The following ADGRL3 variants were observed in gnomAD, a reference collection of about 807,000 sequenced individuals.
The protein encoded by ADGRL3 is adhesion G protein-coupled receptor L3, also known as calcium-independent alpha-latrotoxin receptor 3.
ADGRL3 carries 62 observed loss-of-function variants against 153.5 expected under a neutral mutation model. That is an observed-to-expected ratio of 0.40 (90% CI 0.33 to 0.50). The LOEUF is 0.50. Among genes scored for constraint, ADGRL3 ranks in the 20% least tolerant of loss-of-function variants. The probability of loss-of-function intolerance (pLI) is 0.47; values close to 1 mark genes in which losing one functional copy is unlikely to be tolerated. For synonymous variants in ADGRL3, 710 were observed against 672.5 expected (o/e 1.06, Z -0.86); for missense variants, 1,641 against 1,859.4 (o/e 0.88, Z 2.16).
intron 8 of ADGRL3, among the ~76,000 whole-genome samples, chr4:61,734,966 C>A (rs1029489610): frequency 9.9e-5 from 15 of 152,244 alleles, no homozygotes; most frequent in Middle Eastern, 3.4e-3. Context: ...AAGTGCAATC[C>A]TGTTAATATT....
chr4:61,433,825 A>T (rs2097407259), intron 2 of ADGRL3, among the ~76,000 whole-genome samples: 1 of 152,130 alleles, frequency 6.6e-6, no homozygotes, highest in Admixed American at 6.6e-5. Context: ...TTTTTTTAAA[A>T]TCTTTTTCTG....
chr4:61,922,743 A>G (rs978694378), intron 13 of ADGRL3, among the ~76,000 whole-genome samples: 4 of 152,168 alleles, frequency 2.6e-5, no homozygotes, highest in Admixed American at 2.6e-4. Context: ...GCTCATTCAG[A>G]CACTGTTTCA....
At chr4:62,038,439 C>T (rs1173381435) in intron 24 of ADGRL3, among the ~76,000 whole-genome samples, 7 of 151,994 alleles carry the variant, frequency 4.6e-5, no homozygotes, top group Admixed American at 4.6e-4. Context: ...AAATTTTAAG[C>T]TTTTAGGTAA....
chr4:61,893,014 T>G lies in ADGRL3; in HGVS notation c.1783+56T>G, dbSNP rs2098599519. The G allele has an allele frequency of 8.5e-6, 10 of 1,180,682 alleles. No homozygotes were observed. In the African/African-American group the frequency reaches 9.5e-5, roughly 11 times the overall value. 73.1% of individuals were successfully genotyped at this position (1,180,682 alleles called of 1,614,324 possible). ...CTGTTGTGTTGCTTTGGCTTTATTT[T>G]CTAGTATTCTTTTCCTTTTCCTTCC... On this transcript the variant is annotated intron_variant, in intron 10 of 26. Coordinates refer to ENST00000683033, the MANE Select transcript of ADGRL3 (RefSeq NM_001387552.1).
chr4:61,258,715 G>A (rs1472953933), intron 1 of ADGRL3, among the ~76,000 whole-genome samples: 1 of 152,142 alleles, frequency 6.6e-6, no homozygotes, highest in East Asian at 1.9e-4. Context: ...CGTACACCCA[G>A]TGTACTATTC....
chr4:62,038,772 A>G (rs911043076), intron 24 of ADGRL3, among the ~76,000 whole-genome samples: 4 of 151,818 alleles, frequency 2.6e-5, no homozygotes, highest in African/African-American at 9.7e-5. Flanking sequence ...CCACGCCCAG[A>G]TAATTTTTGT....
At chr4:61,503,633 T>C (rs753252270) in intron 3 of ADGRL3, among the ~76,000 whole-genome samples, 4 of 152,148 alleles carry the variant, frequency 2.6e-5, no homozygotes, top group African/African-American at 4.8e-5. Context: ...TAGAAGACAT[T>C]TAGTTTTAAG....
intron 5 of ADGRL3, among the ~76,000 whole-genome samples, chr4:61,614,543 C>T (rs2149731948): frequency 6.6e-6 from 1 of 152,124 alleles, no homozygotes; most frequent in Non-Finnish European, 1.5e-5. Flanking sequence ...TTTAAAGCAA[C>T]TTTTAGCATA....
intron 6 of ADGRL3, chr4:61,677,189 G>T: frequency 2.6e-6 from 1 of 383,378 alleles, no homozygotes; most frequent in Non-Finnish European, 4.8e-6. Context: ...CTTAATTAAT[G>T]CAAGAATATA....
chr4:61,842,637 G>A (rs983874907), intron 9 of ADGRL3, among the ~76,000 whole-genome samples: 8 of 152,004 alleles, frequency 5.3e-5, no homozygotes, highest in Non-Finnish European at 8.8e-5. Flanking sequence ...AAAAAAAATC[G>A]ACTATGTCAC....
At chr4:61,454,133 A>G (rs887954245) in intron 2 of ADGRL3, among the ~76,000 whole-genome samples, 4 of 152,104 alleles carry the variant, frequency 2.6e-5, no homozygotes, top group Non-Finnish European at 5.9e-5. Context: ...GCGTGGCACA[A>G]AGGAGAACTT....
chr4:61,765,511 G>T (rs954071285), intron 8 of ADGRL3, among the ~76,000 whole-genome samples: 2 of 152,034 alleles, frequency 1.3e-5, no homozygotes, highest in Non-Finnish European at 2.9e-5. Context: ...ACAGAGGACC[G>T]TAAGGGATAT....
chr4:61,220,278 G>A (rs990588489), intron 1 of ADGRL3, among the ~76,000 whole-genome samples: 3 of 152,066 alleles, frequency 2.0e-5, no homozygotes, highest in African/African-American at 7.2e-5. Context: ...CGTGAAATGT[G>A]TCTTGTATGA....
intron 4 of ADGRL3, among the ~76,000 whole-genome samples, chr4:61,525,909 C>G (rs911175987): frequency 1.3e-5 from 2 of 152,048 alleles, no homozygotes; most frequent in African/African-American, 4.8e-5. Flanking sequence ...AAATGTGAAT[C>G]TTTGTCAAGA....
At chr4:62,062,441 C>A (rs1285164720) in intron 25 of ADGRL3, among the ~76,000 whole-genome samples, 1 of 151,992 alleles carries the variant, frequency 6.6e-6, no homozygotes. Flanking sequence ...TCCTCTAATA[C>A]ATATATTTAA....
intron 11 of ADGRL3, among the ~76,000 whole-genome samples, chr4:61,897,628 A>G (rs1298010495): frequency 1.3e-5 from 2 of 152,188 alleles, no homozygotes; most frequent in African/African-American, 4.8e-5. Context: ...AGGTTTCTTT[A>G]CCACAAAACT....
intron 4 of ADGRL3, among the ~76,000 whole-genome samples, chr4:61,554,386 G>T (rs1021816561): frequency 3.3e-5 from 5 of 151,782 alleles, no homozygotes; most frequent in Admixed American, 6.6e-5. Context: ...AGTAGATACG[G>T]GGTTTCACAA....
At chr4:61,731,860 A>G (rs1384103458) in intron 7 of ADGRL3, among the ~76,000 whole-genome samples, 1 of 152,122 alleles carries the variant, frequency 6.6e-6, no homozygotes, top group East Asian at 1.9e-4. Flanking sequence ...TCTTACCACC[A>G]TTCACATGAT....
intron 23 of ADGRL3, among the ~76,000 whole-genome samples, chr4:62,034,245 A>G (rs971087616): frequency 6.6e-6 from 1 of 151,866 alleles, no homozygotes; most frequent in Non-Finnish European, 1.5e-5. Flanking sequence ...AATGGTTACT[A>G]CATTTTCAAT....
Sources: allele counts gnomAD v4.1 joint callset (sites outside exome capture counted in the v4.1 genomes callset), GRCh38; gene constraint gnomAD v4.1.1; transcripts MANE v1.5; gene names NCBI Gene and HGNC (gene_info 2026-07-23, HGNC 2026-07-21).